BCOR: variants seen among roughly 807,000 people sequenced by gnomAD.
The protein encoded by BCOR is BCL6 corepressor, also known as BCL-6 corepressor.
BCOR carries 10 observed loss-of-function variants against 86.7 expected under a neutral mutation model. The ratio of observed to expected loss-of-function variants is 0.12; its 90% confidence interval spans 0.07 to 0.20. The LOEUF (loss-of-function observed/expected upper bound fraction) is 0.20. Ranked by LOEUF, BCOR falls within the 10% of genes least tolerant of loss-of-function variation. The pLI, the probability that BCOR is intolerant of heterozygous loss-of-function variation, is 1.00. For synonymous variants in BCOR, 611 were observed against 609.0 expected (o/e 1.00, Z -0.05); for missense variants, 1,259 against 1,452.1 (o/e 0.87, Z 2.16).
chrX:40,066,313 G>T (rs1458406528), intron 6 of BCOR, among the ~76,000 whole-genome samples: 1 of 111,876 alleles, frequency 8.9e-6, no homozygotes, highest in Non-Finnish European at 1.9e-5. Context: ...TGCAGAAGTG[G>T]TGACCACTGT....
At position 40,075,069 on chromosome X, in the gene BCOR, A is replaced by C. The variant is rs780311291; in HGVS notation, c.277T>G (p.Leu93Val). Residue 93 changes from leucine (L) to valine (V), a missense_variant, in exon 4 of 15, where the codon TTG becomes GTG. Transcript: ENST00000378444. ...RVPGNIVYSS[L>V]CGLGSEKGRE... is the part of the protein sequence containing the mutation. Reference sequence around the variant, plus strand: ...CCTTTCTCTGAGCCCAGTCCACACAAGCTAGAATAGACGATGTTTCCCGGG... The same window carrying C: ...CCTTTCTCTGAGCCCAGTCCACACACGCTAGAATAGACGATGTTTCCCGGG... 7.5e-6 allele frequency: 9 copies of C among 1,205,088 alleles called. No homozygotes were observed. Among genetic ancestry groups the C allele is most frequent in the Non-Finnish European group, 1.0e-5 (9 of 892,565 alleles).
chrX:40,069,771 C>T (rs770474870), intron 6 of BCOR, among the ~76,000 whole-genome samples: 1 of 112,350 alleles, frequency 8.9e-6, no homozygotes, highest in Non-Finnish European at 1.9e-5. Flanking sequence ...TGCCACTTCA[C>T]CCAAGAGTGG....
At chrX:40,121,291 G>A (rs961287980) in intron 1 of BCOR, among the ~76,000 whole-genome samples, 6 of 110,718 alleles carry the variant, frequency 5.4e-5, no homozygotes, top group South Asian at 3.9e-4. Flanking sequence ...TTAGATTTGC[G>A]ATCCCTCCAC....
chrX:40,070,413 C>T (rs910705018), intron 6 of BCOR, among the ~76,000 whole-genome samples: 4 of 111,916 alleles, frequency 3.6e-5, no homozygotes, highest in Middle Eastern at 9.3e-3. Flanking sequence ...GAGGAAGATA[C>T]TAGCCTTCTC....
At chrX:40,170,390 G>C (rs769280823) in intron 1 of BCOR, among the ~76,000 whole-genome samples, 1 of 101,175 alleles carries the variant, frequency 9.9e-6, no homozygotes, top group African/African-American at 3.7e-5. Flanking sequence ...TCGCTCTTTT[G>C]CCCAGGCTGG....
chrX:40,101,481 G>C (rs1937073767), upstream of BCOR, among the ~76,000 whole-genome samples: 1 of 113,150 alleles, frequency 8.8e-6, no homozygotes. Flanking sequence ...CTGCCCCTCC[G>C]CCACCAATCT....
upstream of BCOR, among the ~76,000 whole-genome samples, chrX:40,098,146 C>T (rs968303929): frequency 9.3e-6 from 1 of 107,110 alleles, no homozygotes; most frequent in African/African-American, 3.4e-5. Context: ...CCAGCTCTCG[C>T]AAGTTTGAGC....
In BCOR at chrX:40,078,116, C is replaced by G; in HGVS notation, c.-40-147G>C. 8 of 461,846 alleles carry G rather than the reference C, an allele frequency of 1.7e-5. No homozygotes were observed. In the South Asian group the frequency reaches 2.5e-4, roughly 14 times the overall value. 38.1% of individuals were successfully genotyped at this position (461,846 alleles called of 1,213,427 possible). A position where few individuals can be genotyped will look rare whatever the true frequency, so the allele number is the denominator to read the frequency against. ...CTGCTGTCTACAGTGGTCTGGGAGC[C>G]AAGGACAGACACCTGACTCGAAGGG... is the stretch of plus-strand genomic sequence containing the variant. On this transcript the variant is annotated intron_variant, in intron 1 of 14. Coordinates refer to ENST00000378444, the MANE Select transcript of BCOR (RefSeq NM_001123385.2).
chrX:40,127,688 T>C (rs945916478), intron 1 of BCOR, among the ~76,000 whole-genome samples: 4 of 103,123 alleles, frequency 3.9e-5, no homozygotes, highest in Non-Finnish European at 7.9e-5. Flanking sequence ...CTGGGCAACA[T>C]AGTGAGACCC....
At chrX:40,150,163 A>C (rs947098699) in intron 1 of BCOR, among the ~76,000 whole-genome samples, 5 of 112,603 alleles carry the variant, frequency 4.4e-5, no homozygotes, top group Non-Finnish European at 9.4e-5. Context: ...CTTACCCTAA[A>C]CAGAAACAAG....
intron 1 of BCOR, among the ~76,000 whole-genome samples, chrX:40,107,924 T>TA (rs1285855005): frequency 8.8e-6 from 1 of 113,751 alleles, no homozygotes; most frequent in Admixed American, 9.2e-5. Flanking sequence ...TTGATGTGTC[T>TA]GTGTGGAGCC....
At chrX:40,144,426 A>C (rs1211475151) in intron 1 of BCOR, among the ~76,000 whole-genome samples, 1 of 111,853 alleles carries the variant, frequency 8.9e-6, no homozygotes, top group Non-Finnish European at 1.9e-5. Flanking sequence ...AACGCCAAAA[A>C]ACACTGGCTA....
At chrX:40,109,718 C>G (rs1937265611) in intron 1 of BCOR, among the ~76,000 whole-genome samples, 1 of 112,918 alleles carries the variant, frequency 8.9e-6, no homozygotes, top group Non-Finnish European at 1.9e-5. Flanking sequence ...AGCGGCTCCC[C>G]GGAGGGCGTG....
At chrX:40,155,647 G>A (rs1443186326) in intron 1 of BCOR, among the ~76,000 whole-genome samples, 1 of 112,509 alleles carries the variant, frequency 8.9e-6, no homozygotes, top group African/African-American at 3.2e-5. Context: ...GGGGGTGTGG[G>A]GGGGGGAAAG....
intron 1 of BCOR, among the ~76,000 whole-genome samples, chrX:40,169,611 A>AAAAAAC (rs771294962): frequency 3.6e-5 from 4 of 111,265 alleles, no homozygotes; most frequent in African/African-American, 6.5e-5. Context: ...CTGGTTTAAA[A>AAAAAAC]AAAAACAAAA....
chrX:40,064,003 A>G, intron 7 of BCOR, 51 bp from the exon 8 acceptor site: 1 of 817,850 alleles, frequency 1.2e-6, no homozygotes, highest in African/African-American at 2.1e-5. Flanking sequence ...GGGGGGGAAC[A>G]AACTGTCTTA....
At chrX:40,057,544 C>T (rs1275414144) in intron 10 of BCOR, among the ~76,000 whole-genome samples, 1 of 111,598 alleles carries the variant, frequency 9.0e-6, no homozygotes, top group Admixed American at 9.4e-5. Flanking sequence ...TGGCCCTGGG[C>T]GAGTTATGCT....
intron 1 of BCOR, among the ~76,000 whole-genome samples, chrX:40,152,461 G>T (rs940194695): frequency 4.4e-5 from 5 of 112,462 alleles, no homozygotes; most frequent in African/African-American, 1.6e-4. Context: ...CATCTCCTCT[G>T]AGCTGGCAGC....
At chrX:40,075,485 C>T (rs975556982) in intron 3 of BCOR, among the ~76,000 whole-genome samples, 2 of 111,742 alleles carry the variant, frequency 1.8e-5, no homozygotes, top group Non-Finnish European at 3.8e-5. Flanking sequence ...TGGCCAGGCG[C>T]GGTGGCTCAC....
Sources: gnomAD v4.1 joint callset for allele counts (sites outside exome capture counted in the v4.1 genomes callset) on GRCh38, gnomAD v4.1.1 for gene constraint, MANE v1.5 for transcripts, NCBI Gene and HGNC (gene_info 2026-07-23, HGNC 2026-07-21) for gene names.